The following SYNPR variants were observed in gnomAD, a reference collection of about 807,000 sequenced individuals.
The protein encoded by SYNPR is synaptoporin.
A neutral mutation model predicts 32.9 loss-of-function variants in SYNPR; 23 were observed. The observed-to-expected ratio is 0.70, with a 90% CI of 0.50 to 0.99. The LOEUF is 0.99. Among genes scored for constraint, SYNPR ranks in the 50% least tolerant of loss-of-function variants. The pLI is 0.00. For missense variants in SYNPR, 318 were observed against 349.3 expected (o/e 0.91, Z 0.71); for synonymous variants, 146 against 135.9 (o/e 1.07, Z -0.52).
chr3:63,221,041 G>A, the SYNPR span, among the ~76,000 whole-genome samples: 1 of 152,220 alleles, frequency 6.6e-6, no homozygotes, highest in Admixed American at 6.5e-5. Context: ...TTGATTGATA[G>A]GAGCATGGGA....
chr3:63,610,453 G>A lies in SYNPR; in HGVS notation c.600+1137G>A, dbSNP rs1164757108. The A allele has an allele frequency of 3.2e-5, 22 of 693,438 alleles. No individual in the cohort carries two copies. The Admixed American group carries it at 3.9e-4, about 12-fold the overall frequency. 43.0% of individuals were successfully genotyped at this position (693,438 alleles called of 1,614,324 possible). On this transcript the variant is annotated intron_variant, in intron 5 of 5. Transcript: ENST00000478300. ...CTAGAAATAATTATCTTTGCTTCAA[G>A]ATTAACCTGTGTTTCTACAGCTTTC...
In SYNPR at chr3:63,395,762, G is replaced by A. The variant is rs544648264; in HGVS notation, c.85-85070G>A. Among the ~76,000 whole-genome samples the A allele has an allele frequency of 2.1e-3, 313 of 152,038 alleles. 1 individual carries two copies. Among genetic ancestry groups the A allele is most frequent in the African/African-American group, 7.3e-3 (302 of 41,468 alleles). On this transcript the variant is annotated intron_variant, in intron 2 of 5. Coordinates refer to ENST00000478300, the MANE Select transcript of SYNPR (RefSeq NM_001130003.2). The stretch of plus-strand genomic sequence containing the variant: ...ATATATGTTAGCTATTTCAGTGTAC[G>A]TAGCTTTATCACTGTAACTTTATCT...
At chr3:63,575,285 C>T (rs1702956939) in intron 4 of SYNPR, among the ~76,000 whole-genome samples, 1 of 152,050 alleles carries the variant, frequency 6.6e-6, no homozygotes, top group Non-Finnish European at 1.5e-5. Flanking sequence ...TCATACCCAC[C>T]CTCTGCCAAC....
At chr3:63,413,991 A>T (rs7651878) in intron 2 of SYNPR, among the ~76,000 whole-genome samples, 44,662 of 150,560 alleles carry the variant, frequency 0.3, 7,326 homozygotes, top group Middle Eastern at 0.41. Context: ...GAGGGAAAAA[A>T]ATATATAAAT....
At chr3:63,437,163 C>A (rs1316671281) in intron 2 of SYNPR, among the ~76,000 whole-genome samples, 1 of 152,188 alleles carries the variant, frequency 6.6e-6, no homozygotes, top group African/African-American at 2.4e-5. Context: ...ACATGAGCCA[C>A]CGTGCCTGGC....
intron 3 of SYNPR, among the ~76,000 whole-genome samples, chr3:63,534,437 A>C (rs181259274): frequency 6.6e-6 from 1 of 152,170 alleles, no homozygotes; most frequent in Non-Finnish European, 1.5e-5. Context: ...AAAAATTAAC[A>C]CATAAAAGTC....
intron 1 of SYNPR, among the ~76,000 whole-genome samples, chr3:63,232,192 CTTTTTTT>C (rs57078088): frequency 5.0e-5 from 3 of 59,536 alleles, no homozygotes; most frequent in Admixed American, 2.7e-4. Flanking sequence ...CAGATTCTGA[CTTTTTTT>C]TTTTTTTTTT....
chr3:63,580,782 T>C (rs1339822267), intron 4 of SYNPR, among the ~76,000 whole-genome samples: 1 of 152,192 alleles, frequency 6.6e-6, no homozygotes, highest in Admixed American at 6.5e-5. Flanking sequence ...TTCTGGCAAA[T>C]TAGTCTCATT....
At position 63,322,228 on chromosome 3, in the gene SYNPR, C is replaced by A. The variant is rs868321953; in HGVS notation, c.84+43486C>A. ...ATTTGCAACTTTTGTGATGAGCATACAGTTTGTAAAGCACAATGTAGATAC... is the reference window on the plus strand; with the variant it reads ...ATTTGCAACTTTTGTGATGAGCATAAAGTTTGTAAAGCACAATGTAGATAC... On this transcript the variant is annotated intron_variant, in intron 2 of 5. Coordinates refer to ENST00000478300, the MANE Select transcript of SYNPR (RefSeq NM_001130003.2). Among the ~76,000 whole-genome samples the A allele has an allele frequency of 2.6e-5, 4 of 152,172 alleles. No homozygotes were observed. The Middle Eastern group carries it at 0.014, about 518-fold the overall frequency.
chr3:63,591,921 T>TAA (rs569646701), intron 4 of SYNPR, among the ~76,000 whole-genome samples: 133 of 135,920 alleles, frequency 9.8e-4, no homozygotes, highest in African/African-American at 1.9e-3. Flanking sequence ...TAAAGTATAA[T>TAA]AAAAAAAAAA....
chr3:63,469,526 A>G (rs1158772223), intron 2 of SYNPR, among the ~76,000 whole-genome samples: 1 of 152,244 alleles, frequency 6.6e-6, no homozygotes, highest in East Asian at 1.9e-4. Context: ...TACCATAGGC[A>G]AGAAATTAAT....
intron 3 of SYNPR, among the ~76,000 whole-genome samples, chr3:63,485,198 G>A (rs1701123085): frequency 6.6e-6 from 1 of 152,042 alleles, no homozygotes; most frequent in African/African-American, 2.4e-5. Flanking sequence ...GGGAACTATG[G>A]AGGATGCCTG....
At chr3:63,237,140 A>G (rs1014618099) in intron 1 of SYNPR, among the ~76,000 whole-genome samples, 1 of 151,956 alleles carries the variant, frequency 6.6e-6, no homozygotes, top group Non-Finnish European at 1.5e-5. Flanking sequence ...TTTCTATGTC[A>G]ATTCATACGA....
chr3:63,364,841 C>T (rs2087712194), intron 2 of SYNPR, among the ~76,000 whole-genome samples: 1 of 151,974 alleles, frequency 6.6e-6, no homozygotes, highest in Non-Finnish European at 1.5e-5. Context: ...GTGGGATGTG[C>T]TCTATGTTAA....
intron 2 of SYNPR, among the ~76,000 whole-genome samples, chr3:63,439,189 C>G (rs897711309): frequency 6.6e-6 from 1 of 152,186 alleles, no homozygotes; most frequent in Non-Finnish European, 1.5e-5. Context: ...TGAAAGATCA[C>G]AGTTGAAGCT....
chr3:63,342,867 T>A (rs2087387070), intron 2 of SYNPR, among the ~76,000 whole-genome samples: 2 of 152,240 alleles, frequency 1.3e-5, no homozygotes, highest in Admixed American at 6.5e-5. Context: ...AATGAATTGA[T>A]CCACTTCTTC....
intron 3 of SYNPR, among the ~76,000 whole-genome samples, chr3:63,524,591 G>A (rs928945194): frequency 6.6e-6 from 1 of 152,010 alleles, no homozygotes; most frequent in Non-Finnish European, 1.5e-5. Context: ...TGACCCTTTC[G>A]CCCTGATGCC....
At chr3:63,560,552 G>A (rs990486058) in intron 4 of SYNPR, among the ~76,000 whole-genome samples, 1 of 152,250 alleles carries the variant, frequency 6.6e-6, no homozygotes, top group Admixed American at 6.5e-5. Context: ...CACAAAGATG[G>A]CTACTGTATT....
intron 2 of SYNPR, among the ~76,000 whole-genome samples, chr3:63,479,446 G>GCGCGCGCACA (rs6147854): frequency 5.9e-5 from 8 of 135,742 alleles, no homozygotes; most frequent in East Asian, 2.0e-4. Flanking sequence ...CCACACACAT[G>GCGCGCGCACA]CACACACACA....
Sources: allele counts gnomAD v4.1 joint callset (sites outside exome capture counted in the v4.1 genomes callset), GRCh38; gene constraint gnomAD v4.1.1; transcripts MANE v1.5; gene names NCBI Gene and HGNC (gene_info 2026-07-23, HGNC 2026-07-21).